Variants in PTPRD observed in about 807,000 individuals in gnomAD.
PTPRD encodes the protein receptor-type tyrosine-protein phosphatase delta.
Under a neutral mutation model 214.5 loss-of-function variants are expected in PTPRD, and 34 were observed. That is an observed-to-expected ratio of 0.16 (90% CI 0.12 to 0.21). PTPRD has a LOEUF of 0.21. PTPRD is among the 10% of genes least tolerant of loss of function. The pLI is 1.00. For missense variants in PTPRD, 2,545 were observed against 2,398.7 expected, an observed-to-expected ratio of 1.06 and a Z score of -1.27; for synonymous variants, 1,128 against 845.7, an observed-to-expected ratio of 1.33 and a Z score of -5.79.
chr9:9,038,522 A>AT (rs1396452689), intron 10 of PTPRD, among the ~76,000 whole-genome samples: 1 of 150,366 alleles, frequency 6.7e-6, no homozygotes, highest in African/African-American at 2.5e-5. Context: ...TGGGGGGCTA[A>AT]TTTAATATAT....
intron 8 of PTPRD, among the ~76,000 whole-genome samples, chr9:9,564,828 T>C (rs1225965784): frequency 6.6e-6 from 1 of 151,504 alleles, no homozygotes; most frequent in African/African-American, 2.4e-5. Flanking sequence ...TCTGAAGATA[T>C]TTCTTGTTCT....
chr9:8,831,328 T>TA (rs1486697149), intron 11 of PTPRD, among the ~76,000 whole-genome samples: 1 of 152,180 alleles, frequency 6.6e-6, no homozygotes, highest in Non-Finnish European at 1.5e-5. Flanking sequence ...GTGAGTTGGT[T>TA]AAAAATTTAA....
chr9:8,419,063 TA>T (rs1356274996), intron 35 of PTPRD, among the ~76,000 whole-genome samples: 1 of 151,644 alleles, frequency 6.6e-6, no homozygotes, highest in Non-Finnish European at 1.5e-5. Context: ...TAAAAAATTT[TA>T]AAAACTCATC....
At chr9:8,661,400 T>A (rs2097049201) in intron 12 of PTPRD, among the ~76,000 whole-genome samples, 1 of 152,016 alleles carries the variant, frequency 6.6e-6, no homozygotes, top group Non-Finnish European at 1.5e-5. Flanking sequence ...GTGGGGGCAT[T>A]TCCACATCTA....
intron 11 of PTPRD, chr9:8,958,893 C>T (rs2099145126): frequency 6.6e-6 from 1 of 151,888 alleles, no homozygotes. Context: ...CCCTGAAAGT[C>T]CACACCTCCT....
At chr9:8,707,385 C>A (rs2098232428) in intron 12 of PTPRD, among the ~76,000 whole-genome samples, 1 of 152,124 alleles carries the variant, frequency 6.6e-6, no homozygotes, top group Non-Finnish European at 1.5e-5. Flanking sequence ...AGGAACATGC[C>A]CTTTTGGTCA....
At chr9:10,485,288 A>G (rs1018040428) in intron 2 of PTPRD, among the ~76,000 whole-genome samples, 5 of 152,090 alleles carry the variant, frequency 3.3e-5, no homozygotes, top group Non-Finnish European at 5.9e-5. Flanking sequence ...ATTTAAAGTC[A>G]GGTATGTGAT....
At chr9:10,051,026 T>C (rs1280230192) in intron 3 of PTPRD, among the ~76,000 whole-genome samples, 1 of 152,148 alleles carries the variant, frequency 6.6e-6, no homozygotes, top group Non-Finnish European at 1.5e-5. Context: ...CTAAATGTAC[T>C]TTAAGCATAA....
intron 12 of PTPRD, among the ~76,000 whole-genome samples, chr9:8,706,461 G>A (rs993587393): frequency 2.0e-5 from 3 of 152,262 alleles, no homozygotes; most frequent in Admixed American, 2.0e-4. Context: ...TCATGGTTTT[G>A]CCAATTCAAT....
At chr9:9,051,435 C>T (rs1320696798) in intron 10 of PTPRD, among the ~76,000 whole-genome samples, 3 of 152,108 alleles carry the variant, frequency 2.0e-5, no homozygotes, top group South Asian at 2.1e-4. Flanking sequence ...TCTCTACATG[C>T]ATTGATCTAA....
At chr9:9,816,570 A>G (rs1217717046) in intron 5 of PTPRD, among the ~76,000 whole-genome samples, 1 of 152,114 alleles carries the variant, frequency 6.6e-6, no homozygotes, top group Admixed American at 6.5e-5. Flanking sequence ...ATTGAACAAT[A>G]TAATACTTTC....
At chr9:9,695,413 GGATTGTGCAAA>G (rs1383426053) in intron 7 of PTPRD, among the ~76,000 whole-genome samples, 2 of 152,144 alleles carry the variant, frequency 1.3e-5, no homozygotes, top group Admixed American at 1.3e-4. Flanking sequence ...GTTGGGGGAA[GGATTGTGCAAA>G]CCCTCTCTTA....
chr9:9,424,304 C>T (rs1289117001), intron 8 of PTPRD, among the ~76,000 whole-genome samples: 5 of 152,140 alleles, frequency 3.3e-5, no homozygotes, highest in African/African-American at 1.2e-4. Flanking sequence ...AGTCTATTTC[C>T]TGGGAAACTA....
At chr9:10,185,217 T>C (rs1255904752) in intron 3 of PTPRD, among the ~76,000 whole-genome samples, 3 of 152,190 alleles carry the variant, frequency 2.0e-5, no homozygotes, top group Non-Finnish European at 4.4e-5. Context: ...TCTGATTTAC[T>C]AAGATTTACT....
intron 5 of PTPRD, among the ~76,000 whole-genome samples, chr9:9,779,267 GA>G (rs1334894384): frequency 1.3e-5 from 2 of 151,964 alleles, no homozygotes; most frequent in East Asian, 3.9e-4. Context: ...AGAAAACCTA[GA>G]AAATACACTT....
At chr9:9,886,413 G>A (rs1203296226) in intron 5 of PTPRD, among the ~76,000 whole-genome samples, 1 of 152,066 alleles carries the variant, frequency 6.6e-6, no homozygotes, top group Non-Finnish European at 1.5e-5. Context: ...ATTAGACCTT[G>A]AGCCCGAAAC....
intron 10 of PTPRD, among the ~76,000 whole-genome samples, chr9:9,072,473 T>C (rs1038396085): frequency 6.6e-6 from 1 of 152,232 alleles, no homozygotes; most frequent in African/African-American, 2.4e-5. Flanking sequence ...CTCTGCTACT[T>C]CGTTCAGGCT....
intron 3 of PTPRD, among the ~76,000 whole-genome samples, chr9:10,225,929 T>C (rs2099587395): frequency 6.6e-6 from 1 of 152,048 alleles, no homozygotes. Context: ...ATAACAACTT[T>C]ATTGAGAACT....
At chr9:9,860,877 C>A (rs1442405995) in intron 5 of PTPRD, among the ~76,000 whole-genome samples, 2 of 152,112 alleles carry the variant, frequency 1.3e-5, no homozygotes, top group African/African-American at 4.8e-5. Flanking sequence ...TAACTAGCAT[C>A]ACAAAATTGC....
Sources: allele counts gnomAD v4.1 joint callset (sites outside exome capture counted in the v4.1 genomes callset), GRCh38; gene constraint gnomAD v4.1.1; transcripts MANE v1.5; gene names NCBI Gene and HGNC (gene_info 2026-07-23, HGNC 2026-07-21).